The following THSD7B variants were observed in gnomAD, a reference collection of about 807,000 sequenced individuals.
THSD7B encodes thrombospondin type 1 domain containing 7B.
Under a neutral mutation model 213.6 loss-of-function variants are expected in THSD7B, and 138 were observed. The ratio of observed to expected loss-of-function variants is 0.65; its 90% CI spans 0.56 to 0.74. The LOEUF (loss-of-function observed/expected upper bound fraction) is 0.74, where lower values mean the gene tolerates loss of function less well. Among genes scored for constraint, THSD7B ranks in the 30% least tolerant of loss-of-function variants. The pLI is 0.00. For missense variants in THSD7B, 1,931 were observed against 1,991.5 expected (o/e 0.97, Z 0.58); for synonymous variants, 742 against 687.0 (o/e 1.08, Z -1.25).
intron 12 of THSD7B, among the ~76,000 whole-genome samples, chr2:137,284,919 C>T (rs1482287265): frequency 1.3e-5 from 2 of 152,088 alleles, no homozygotes; most frequent in African/African-American, 4.8e-5. Flanking sequence ...ATTAGGTCCA[C>T]TTTGTGCAGA....
chr2:137,356,985 C>G (rs1296952586), intron 12 of THSD7B, among the ~76,000 whole-genome samples: 1 of 151,364 alleles, frequency 6.6e-6, no homozygotes, highest in Non-Finnish European at 1.5e-5. Flanking sequence ...CACACACACA[C>G]ACACACACAC....
intron 17 of THSD7B, among the ~76,000 whole-genome samples, chr2:137,608,161 C>T (rs1171095639): frequency 1.3e-5 from 2 of 152,208 alleles, no homozygotes; most frequent in Non-Finnish European, 2.9e-5. Context: ...TCCTCAAAGG[C>T]AGGCAGCAAG....
chr2:136,888,488 T>C (rs550540517), intron 2 of THSD7B, among the ~76,000 whole-genome samples: 7 of 152,232 alleles, frequency 4.6e-5, no homozygotes, highest in Admixed American at 2.6e-4. Context: ...TAAAATGTTC[T>C]TAGGAGAGAG....
chr2:136,945,782 T>C (rs1011162929), intron 2 of THSD7B, among the ~76,000 whole-genome samples: 10 of 152,256 alleles, frequency 6.6e-5, no homozygotes, highest in African/African-American at 2.4e-4. Context: ...AGCTTGTGCA[T>C]GCGTCACGTG....
At chr2:136,866,840 A>G (rs1353309078) in intron 1 of THSD7B, among the ~76,000 whole-genome samples, 1 of 152,218 alleles carries the variant, frequency 6.6e-6, no homozygotes, top group Non-Finnish European at 1.5e-5. Context: ...CTGGGTTTCT[A>G]GCAGAGTCTG....
Position 137,676,656 on chromosome 2 carries a change from T to G in THSD7B, c.*51T>G. The stretch of plus-strand genomic sequence containing the variant: ...CATCAACTGCCTTAACCGCTTTCTC[T>G]TTTGTAGCTCTCAGACTTCTCAGTT... On this transcript the variant is annotated 3_prime_UTR_variant, in exon 28 of 28. Transcript: ENST00000409968. The G allele has an allele frequency of 2.0e-6, 3 of 1,468,468 alleles. No homozygotes were observed. The highest frequency in any genetic ancestry group is 2.7e-6 in the Non-Finnish European group (3 of 1,098,774). 91.0% of individuals were successfully genotyped at this position (1,468,468 alleles called of 1,614,324 possible). A position where few individuals can be genotyped will look rare whatever the true frequency, so the allele number is the denominator to read the frequency against.
chr2:137,670,139 T>C (rs1410616343), intron 27 of THSD7B, among the ~76,000 whole-genome samples: 1 of 152,172 alleles, frequency 6.6e-6, no homozygotes, highest in Non-Finnish European at 1.5e-5. Flanking sequence ...CTCATAGCCA[T>C]TTTTTTGATC....
chr2:137,593,528 A>G (rs1681903811), intron 17 of THSD7B, among the ~76,000 whole-genome samples: 1 of 142,274 alleles, frequency 7.0e-6, no homozygotes, highest in Non-Finnish European at 1.5e-5. Context: ...AATAACTAAT[A>G]GTGTTGAGCA....
intron 17 of THSD7B, among the ~76,000 whole-genome samples, chr2:137,575,484 GATAACTTTGAATGAATGGATTACTGAC>G: frequency 6.6e-6 from 1 of 152,002 alleles, no homozygotes; most frequent in South Asian, 2.1e-4. Context: ...GCATCACAAA[GATAACTTTGAATGAATGGATTACTGAC>G]CTGACAGTAA....
chr2:137,665,547 G>T (rs1388148985), intron 26 of THSD7B, among the ~76,000 whole-genome samples: 6 of 152,004 alleles, frequency 3.9e-5, no homozygotes, highest in African/African-American at 1.2e-4. Context: ...CATGGTGAGG[G>T]TATAAATTAG....
At chr2:137,541,085 G>A (rs540111504) in intron 15 of THSD7B, among the ~76,000 whole-genome samples, 1 of 151,766 alleles carries the variant, frequency 6.6e-6, no homozygotes, top group East Asian at 2.0e-4. Flanking sequence ...ACTGATTCCA[G>A]ATATCAAAAG....
At chr2:137,505,026 G>A (rs1679803183) in intron 15 of THSD7B, among the ~76,000 whole-genome samples, 1 of 151,970 alleles carries the variant, frequency 6.6e-6, no homozygotes, top group African/African-American at 2.4e-5. Flanking sequence ...GGGAGGGAGA[G>A]AGGTAGGGAG....
intron 7 of THSD7B, among the ~76,000 whole-genome samples, chr2:137,202,727 C>T (rs1351977628): frequency 6.6e-6 from 1 of 152,134 alleles, no homozygotes; most frequent in African/African-American, 2.4e-5. Flanking sequence ...AGATACACAC[C>T]AAGAATCAGC....
intron 19 of THSD7B, 89 bp downstream of exon 19, chr2:137,618,596 G>A: frequency 8.5e-7 from 1 of 1,178,560 alleles, no homozygotes; most frequent in African/African-American, 1.5e-5. Flanking sequence ...ATAGATAACA[G>A]ACTGATTTCT....
chr2:136,854,035 C>T (rs1319687696), intron 1 of THSD7B, among the ~76,000 whole-genome samples: 3 of 152,124 alleles, frequency 2.0e-5, no homozygotes, highest in Non-Finnish European at 2.9e-5. Context: ...CTAGGCTCAT[C>T]TTATCATTTT....
chr2:137,303,225 G>T (rs1356405463), intron 12 of THSD7B, among the ~76,000 whole-genome samples: 1 of 152,090 alleles, frequency 6.6e-6, no homozygotes, highest in African/African-American at 2.4e-5. Flanking sequence ...ATCTCACTTT[G>T]TTGCCAGGCT....
At chr2:137,295,626 C>T (rs1389668902) in intron 12 of THSD7B, among the ~76,000 whole-genome samples, 4 of 152,032 alleles carry the variant, frequency 2.6e-5, no homozygotes, top group African/African-American at 9.7e-5. Flanking sequence ...CAGGCACGTG[C>T]CACCATGGCC....
intron 5 of THSD7B, among the ~76,000 whole-genome samples, chr2:137,139,560 C>T (rs1322758714): frequency 2.6e-5 from 4 of 152,076 alleles, no homozygotes; most frequent in Non-Finnish European, 5.9e-5. Flanking sequence ...GGATTTTTTT[C>T]TATCTATATT....
At chr2:137,532,585 A>G (rs1439088094) in intron 15 of THSD7B, among the ~76,000 whole-genome samples, 1 of 151,812 alleles carries the variant, frequency 6.6e-6, no homozygotes, top group African/African-American at 2.4e-5. Context: ...ATTTGCTATA[A>G]ATGATTAAAC....
Sources: allele counts gnomAD v4.1 joint callset (sites outside exome capture counted in the v4.1 genomes callset), GRCh38; gene constraint gnomAD v4.1.1; transcripts MANE v1.5; gene names NCBI Gene and HGNC (gene_info 2026-07-23, HGNC 2026-07-21).